NXPE3: variants seen among roughly 807,000 people sequenced by gnomAD.
The protein encoded by NXPE3 is NXPE family member 3.
In NXPE3, 26 loss-of-function variants were observed where a neutral mutation model predicts 46.1. That is an observed-to-expected ratio of 0.56 (90% CI 0.41 to 0.78). The LOEUF (loss-of-function observed/expected upper bound fraction) is 0.78. NXPE3 is among the 30% of genes least tolerant of loss of function. NXPE3 has a pLI of 0.00. For synonymous variants in NXPE3, 272 were observed against 257.9 expected (o/e 1.05, Z -0.52); for missense variants, 620 against 686.0 (o/e 0.90, Z 1.07).
chr3:101,817,389 T>A (rs1942019359), intron 7 of NXPE3, among the ~76,000 whole-genome samples: 1 of 152,218 alleles, frequency 6.6e-6, no homozygotes, highest in Admixed American at 6.5e-5. Context: ...CTCCCCTAGT[T>A]CTGTCTCATC....
chr3:101,801,341 A>G lies in NXPE3; in HGVS notation c.200A>G (p.Gln67Arg), dbSNP rs760019371. ...CGAAATCCCTACTGTGGCTATGATC[A>G]GCAGACCCTGTCCAGCCAGGAGCGC... ...ISRNPYCGYD[Q>R]QTLSSQERME... The change falls in exon 5 of 8, where the codon CAG becomes CGG. Residue 67 changes from glutamine (Q) to arginine (R), a missense_variant. Transcript: ENST00000273347. The G allele has an allele frequency of 1.2e-6, 2 of 1,614,220 alleles. No homozygotes were observed. The highest frequency in any genetic ancestry group is 1.7e-6 in the Non-Finnish European group (2 of 1,180,044).
In NXPE3 at chr3:101,808,850, T is replaced by TACAC. The variant is rs1560057823; in HGVS notation, c.922+1725_922+1726insCACA. ...ATATATATATATATATATATATATA[T>TACAC]ATATATGAGACATTTATCTTTTATC... On this transcript the variant is annotated intron_variant, in intron 6 of 7. Transcript: ENST00000273347. Among the ~76,000 whole-genome samples, 411 of 132,448 alleles carry TACAC rather than the reference T, an allele frequency of 3.1e-3. 28 individuals carry two copies. Among genetic ancestry groups the TACAC allele is most frequent in the African/African-American group, 8.9e-3 (313 of 35,034 alleles). 86.9% of individuals were successfully genotyped at this position (132,448 alleles called of 152,430 possible).
intron 6 of NXPE3, among the ~76,000 whole-genome samples, chr3:101,816,131 T>C (rs560075215): frequency 1.1e-4 from 17 of 152,168 alleles, no homozygotes; most frequent in Non-Finnish European, 1.9e-4. Context: ...GCCACTGCAC[T>C]CCAGCCTGGG....
chr3:101,807,241 T>C (rs1172631294), intron 6 of NXPE3, 115 bp downstream of exon 6: 4 of 695,214 alleles, frequency 5.8e-6, no homozygotes, highest in African/African-American at 3.6e-5. Flanking sequence ...CTGGGCACAA[T>C]TGAAAATATT....
At chr3:101,799,725 A>G (rs1261206046) in intron 4 of NXPE3, among the ~76,000 whole-genome samples, 1 of 152,102 alleles carries the variant, frequency 6.6e-6, no homozygotes, top group Admixed American at 6.5e-5. Context: ...CATCTGGCCT[A>G]CTTCATTCTT....
chr3:101,795,533 C>G (rs1024556107), intron 4 of NXPE3, among the ~76,000 whole-genome samples: 1 of 145,946 alleles, frequency 6.9e-6, no homozygotes, highest in African/African-American at 2.5e-5. Flanking sequence ...AAAAAAAAAG[C>G]AGTCCATATT....
intron 4 of NXPE3, among the ~76,000 whole-genome samples, chr3:101,794,737 T>A (rs545239579): frequency 6.6e-6 from 1 of 152,096 alleles, no homozygotes; most frequent in Non-Finnish European, 1.5e-5. Context: ...CAGAGAGACT[T>A]GAGAGGGTAG....
At chr3:101,820,366 C>A (rs1171583420) in intron 7 of NXPE3, among the ~76,000 whole-genome samples, 3 of 151,776 alleles carry the variant, frequency 2.0e-5, no homozygotes, top group Non-Finnish European at 4.4e-5. Context: ...TATTAAAAAG[C>A]CAAAAAACAA....
At chr3:101,816,208 C>A (rs1941962730) in intron 6 of NXPE3, among the ~76,000 whole-genome samples, 1 of 152,092 alleles carries the variant, frequency 6.6e-6, no homozygotes, top group Admixed American at 6.6e-5. Flanking sequence ...CCCTCCTTTC[C>A]TTTCTGTCCA....
Position 101,785,607 on chromosome 3 carries a change from A to T in NXPE3, c.11A>T (p.Asn4Ile). 1 of 1,614,034 alleles carries T rather than the reference A, an allele frequency of 6.2e-7. No individual in the cohort carries two copies. The highest frequency in any genetic ancestry group is 2.2e-5 in the East Asian group (1 of 44,876). Residue 4 changes from asparagine to isoleucine, a missense_variant, in exon 4 of 8, where the codon AAT (asparagine) becomes ATT (isoleucine). By Grantham distance (149) the Asn-to-Ile change is moderately radical. This residue lies in a region of NXPE3 where 511 missense variants were observed against 528.6 expected (regional missense o/e 0.97). Coordinates refer to ENST00000273347, the MANE Select transcript of NXPE3 (RefSeq NM_145037.4). MWT[N>I]FFKLRLFCCL... ...AGACACAGCCAGACAATGTGGACCA[A>T]TTTCTTCAAACTACGGCTTTTCTGC...
At position 101,808,821 on chromosome 3, in the gene NXPE3, AT is replaced by A. The variant is rs1209777241; in HGVS notation, c.922+1696del. Among the ~76,000 whole-genome samples the A allele has an allele frequency of 1.5e-3, 121 of 81,844 alleles. 1 individual carries two copies. Among genetic ancestry groups the A allele is most frequent in the Non-Finnish European group, 2.3e-3 (95 of 41,976 alleles). 53.7% of individuals were successfully genotyped at this position (81,844 alleles called of 152,430 possible). ...AAATGAATTACTAATTTTAGAGGATATATATATATATATATATATATATATA... is the reference window on the plus strand; with the variant it reads ...AAATGAATTACTAATTTTAGAGGATAATATATATATATATATATATATATA... On this transcript the variant is annotated intron_variant, in intron 6 of 7. Transcript: ENST00000273347.
In NXPE3 at chr3:101,823,338, A is replaced by G. The variant is rs1446434001; in HGVS notation, c.*1384A>G. Reference sequence around the variant, plus strand: ...CCTTGAGGAACACCTTCAAGTTTTTAAAGTATTTTAGGGGGAAAGAAGATT... The same window carrying G: ...CCTTGAGGAACACCTTCAAGTTTTTGAAGTATTTTAGGGGGAAAGAAGATT... On this transcript the variant is annotated 3_prime_UTR_variant, in exon 8 of 8. Coordinates refer to ENST00000273347, the MANE Select transcript of NXPE3 (RefSeq NM_145037.4). 6.6e-6 allele frequency: 1 copy of G among 152,128 alleles called. No homozygotes were observed. Among genetic ancestry groups the G allele is most frequent in the South Asian group, 2.1e-4 (1 of 4,832 alleles). The allele number at this position is 152,128 out of a possible 1,614,324, so 9.4% of individuals were successfully genotyped here.
chr3:101,824,336 G>A lies in NXPE3; in HGVS notation c.*2382G>A, dbSNP rs1425631590. On this transcript the variant is annotated 3_prime_UTR_variant, in exon 8 of 8. Coordinates refer to ENST00000273347, the MANE Select transcript of NXPE3 (RefSeq NM_145037.4). The stretch of plus-strand genomic sequence containing the variant: ...TGATCCAATAGTATTGGTGATATTA[G>A]CTCCATTTTATAGATGAGGAACTCA... 1.3e-5 allele frequency: 2 copies of A among 152,170 alleles called. No individual in the cohort carries two copies. Among genetic ancestry groups the A allele is most frequent in the Non-Finnish European group, 2.9e-5 (2 of 68,034 alleles). The allele number at this position is 152,170 out of a possible 1,614,324, so 9.4% of individuals were successfully genotyped here.
chr3:101,817,926 T>C (rs1942041124), intron 7 of NXPE3, among the ~76,000 whole-genome samples: 1 of 152,170 alleles, frequency 6.6e-6, no homozygotes, highest in East Asian at 1.9e-4. Flanking sequence ...GGTCTCACTC[T>C]CTCACCCAGG....
At chr3:101,812,830 AAAAAAAAAAAAAG>A in intron 6 of NXPE3, among the ~76,000 whole-genome samples, 1 of 148,874 alleles carries the variant, frequency 6.7e-6, no homozygotes, top group African/African-American at 2.6e-5. Context: ...AAAAAAAAAA[AAAAAAAAAAAAAG>A]ATATTTGGAC....
chr3:101,786,429 T>C (rs1016738148), intron 4 of NXPE3, among the ~76,000 whole-genome samples: 1 of 152,214 alleles, frequency 6.6e-6, no homozygotes, highest in Non-Finnish European at 1.5e-5. Flanking sequence ...AAAAAATTTC[T>C]CCTGCTGGAA....
intron 6 of NXPE3, among the ~76,000 whole-genome samples, chr3:101,815,289 A>C (rs1560063684): frequency 6.6e-6 from 1 of 152,198 alleles, no homozygotes; most frequent in Non-Finnish European, 1.5e-5. Flanking sequence ...ATAATCCGTT[A>C]GATTGTCTGC....
intron 7 of NXPE3, among the ~76,000 whole-genome samples, chr3:101,818,509 C>G (rs960884233): frequency 2.0e-5 from 3 of 151,570 alleles, no homozygotes; most frequent in Non-Finnish European, 4.4e-5. Context: ...CCACCATATA[C>G]TTTACAGACA....
At chr3:101,808,855 A>ATATATATATATG (rs1491512601) in intron 6 of NXPE3, among the ~76,000 whole-genome samples, 2 of 95,254 alleles carry the variant, frequency 2.1e-5, no homozygotes, top group African/African-American at 7.9e-5. Context: ...ATATATATAT[A>ATATATATATATG]TGAGACATTT....
Sources: allele counts gnomAD v4.1 joint callset (sites outside exome capture counted in the v4.1 genomes callset), GRCh38; gene constraint gnomAD v4.1.1; regional missense constraint gnomAD v4.1.1; transcripts MANE v1.5; gene names NCBI Gene and HGNC (gene_info 2026-07-23, HGNC 2026-07-21).